Variants in PRKCA observed in about 807,000 individuals in gnomAD.
The protein encoded by PRKCA is protein kinase C alpha, also known as protein kinase C alpha type.
In PRKCA, 27 loss-of-function variants were observed where a neutral mutation model predicts 87.0. That is an observed-to-expected ratio of 0.31 (90% CI 0.23 to 0.43). PRKCA has a LOEUF of 0.43. Among genes scored for constraint, PRKCA ranks in the 20% least tolerant of loss-of-function variants. The pLI is 1.00. For synonymous variants in PRKCA, 329 were observed against 311.1 expected (o/e 1.06, Z -0.61); for missense variants, 518 against 852.3 (o/e 0.61, Z 4.88).
At chr17:66,462,925 AACACACAC>A (rs58085398) in intron 2 of PRKCA, among the ~76,000 whole-genome samples, 4,563 of 147,604 alleles carry the variant, frequency 0.031, 229 homozygotes, top group African/African-American at 0.1. Context: ...CACACATGCA[AACACACAC>A]ACACACACAC....
chr17:66,400,523 AAAC>A (rs1380542599), intron 2 of PRKCA, among the ~76,000 whole-genome samples: 1 of 152,214 alleles, frequency 6.6e-6, no homozygotes, highest in African/African-American at 2.4e-5. Context: ...TCTGCCTATC[AAAC>A]AACAACTCTT....
chr17:66,456,802 A>G (rs1315870782), intron 2 of PRKCA, among the ~76,000 whole-genome samples: 3 of 152,316 alleles, frequency 2.0e-5, no homozygotes, highest in Admixed American at 1.3e-4. Flanking sequence ...TTCTGTCCTG[A>G]CTGTAGCTGT....
At chr17:66,461,148 G>A (rs1314628373) in intron 2 of PRKCA, among the ~76,000 whole-genome samples, 1 of 147,592 alleles carries the variant, frequency 6.8e-6, no homozygotes, top group Admixed American at 6.9e-5. Context: ...CGAGGCTGCG[G>A]TACGCTATGT....
chr17:66,541,643 T>G (rs1320943331), intron 3 of PRKCA, among the ~76,000 whole-genome samples: 1 of 152,246 alleles, frequency 6.6e-6, no homozygotes, highest in Non-Finnish European at 1.5e-5. Context: ...CATGGCACTT[T>G]GGAAGTGCAT....
chr17:66,644,947 G>A (rs1971412146), intron 4 of PRKCA, among the ~76,000 whole-genome samples: 1 of 151,366 alleles, frequency 6.6e-6, no homozygotes, highest in Non-Finnish European at 1.5e-5. Context: ...CTAGGATTAT[G>A]CCACTGCACT....
intron 3 of PRKCA, among the ~76,000 whole-genome samples, chr17:66,517,095 C>A (rs984970521): frequency 2.0e-5 from 3 of 152,116 alleles, no homozygotes; most frequent in Non-Finnish European, 4.4e-5. Flanking sequence ...ACCATCCTGG[C>A]CAACATGGTG....
intron 2 of PRKCA, among the ~76,000 whole-genome samples, chr17:66,402,890 A>C (rs1388651883): frequency 2.6e-5 from 4 of 152,326 alleles, no homozygotes; most frequent in African/African-American, 9.6e-5. Flanking sequence ...AAAAATAGGG[A>C]CAGTAAACAG....
chr17:66,712,132 A>G (rs543559499), intron 8 of PRKCA, among the ~76,000 whole-genome samples: 2 of 152,262 alleles, frequency 1.3e-5, no homozygotes, highest in East Asian at 3.9e-4. Context: ...CCTCTGTGCA[A>G]CTTCTTCCTG....
At chr17:66,488,654 T>A (rs1916088783) in intron 2 of PRKCA, among the ~76,000 whole-genome samples, 1 of 152,186 alleles carries the variant, frequency 6.6e-6, no homozygotes, top group Non-Finnish European at 1.5e-5. Context: ...AAGGGAAGAA[T>A]TAAAGATGAA....
chr17:66,720,471 A>G (rs1352220204), intron 8 of PRKCA, among the ~76,000 whole-genome samples: 1 of 152,240 alleles, frequency 6.6e-6, no homozygotes, highest in Non-Finnish European at 1.5e-5. Flanking sequence ...CACAGGCCAT[A>G]TTCCACTAAC....
intron 3 of PRKCA, among the ~76,000 whole-genome samples, chr17:66,497,455 C>A (rs1478219848): frequency 6.6e-6 from 1 of 151,040 alleles, no homozygotes; most frequent in African/African-American, 2.4e-5. Context: ...GATATCGCAC[C>A]ACTGCACTCC....
intron 2 of PRKCA, among the ~76,000 whole-genome samples, chr17:66,433,655 A>G (rs566240511): frequency 2.6e-5 from 4 of 152,062 alleles, no homozygotes; most frequent in African/African-American, 9.6e-5. Context: ...AGCAATTCTC[A>G]GGCCACAGCC....
chr17:66,777,694 T>A (rs1425192220), intron 14 of PRKCA: 1 of 985,286 alleles, frequency 1.0e-6, no homozygotes, highest in African/African-American at 1.7e-5. Context: ...CTCTTGAGTC[T>A]GGAAAACAAA....
intron 3 of PRKCA, among the ~76,000 whole-genome samples, chr17:66,610,052 C>G (rs1970310694): frequency 6.6e-6 from 1 of 152,102 alleles, no homozygotes; most frequent in Non-Finnish European, 1.5e-5. Context: ...CAACACTGCC[C>G]CCCACCATCC....
At chr17:66,454,635 A>G (rs1056949959) in intron 2 of PRKCA, among the ~76,000 whole-genome samples, 2 of 152,226 alleles carry the variant, frequency 1.3e-5, no homozygotes, top group African/African-American at 4.8e-5. Context: ...AGACAAGAGT[A>G]AGAGCCAAGC....
At chr17:66,607,989 G>A (rs1970256587) in intron 3 of PRKCA, among the ~76,000 whole-genome samples, 1 of 152,142 alleles carries the variant, frequency 6.6e-6, no homozygotes, top group Non-Finnish European at 1.5e-5. Flanking sequence ...TACAAGTTTG[G>A]AACTTTCTGA....
intron 3 of PRKCA, among the ~76,000 whole-genome samples, chr17:66,571,658 C>T (rs1969082919): frequency 6.6e-6 from 1 of 152,116 alleles, no homozygotes; most frequent in Non-Finnish European, 1.5e-5. Context: ...AATTGTTTTT[C>T]TCAGGAAACA....
intron 2 of PRKCA, among the ~76,000 whole-genome samples, chr17:66,447,016 T>G (rs530997912): frequency 6.6e-6 from 1 of 152,314 alleles, no homozygotes; most frequent in African/African-American, 2.4e-5. Context: ...AAATTCACTC[T>G]TGACTCCCTT....
At chr17:66,576,305 G>A (rs563166503) in intron 3 of PRKCA, among the ~76,000 whole-genome samples, 1 of 152,316 alleles carries the variant, frequency 6.6e-6, no homozygotes, top group African/African-American at 2.4e-5. Context: ...AAAAGGAGAT[G>A]TATTCCACAG....
Sources: allele counts gnomAD v4.1 joint callset (sites outside exome capture counted in the v4.1 genomes callset), GRCh38; gene constraint gnomAD v4.1.1; transcripts MANE v1.5; gene names NCBI Gene and HGNC (gene_info 2026-07-23, HGNC 2026-07-21).